KIF16B: variants seen among roughly 807,000 people sequenced by gnomAD.
The protein encoded by KIF16B is kinesin family member 16B.
In KIF16B, 98 loss-of-function variants were observed where a neutral mutation model predicts 156.3. The ratio of observed to expected loss-of-function variants is 0.63; its 90% CI spans 0.53 to 0.74. The LOEUF (loss-of-function observed/expected upper bound fraction) is 0.74. Among genes scored for constraint, KIF16B ranks in the 30% least tolerant of loss-of-function variants. KIF16B has a pLI of 0.00. For synonymous variants in KIF16B, 564 were observed against 583.7 expected (o/e 0.97, Z 0.49); for missense variants, 1,421 against 1,606.5 (o/e 0.88, Z 1.97).
At chr20:16,447,696 C>A (rs946796577) in intron 12 of KIF16B, among the ~76,000 whole-genome samples, 102 of 152,144 alleles carry the variant, frequency 6.7e-4, no homozygotes, top group African/African-American at 2.4e-3. Flanking sequence ...AAGCCATAAG[C>A]AGCTGTTTCA....
chr20:16,384,622 T>C (rs1474734242), intron 17 of KIF16B, among the ~76,000 whole-genome samples: 1 of 151,994 alleles, frequency 6.6e-6, no homozygotes, highest in Non-Finnish European at 1.5e-5. Flanking sequence ...TCTTGGTGTT[T>C]TGTAGAAAAT....
intron 11 of KIF16B, among the ~76,000 whole-genome samples, chr20:16,495,303 A>T (rs968457933): frequency 6.6e-6 from 1 of 152,194 alleles, no homozygotes; most frequent in Non-Finnish European, 1.5e-5. Context: ...AGGCCAAAAT[A>T]AATGCACAGA....
intron 22 of KIF16B, among the ~76,000 whole-genome samples, chr20:16,357,045 G>A (rs555582175): frequency 6.6e-5 from 10 of 152,304 alleles, no homozygotes; most frequent in African/African-American, 2.4e-4. Context: ...CCTGGGCAGT[G>A]GGGGACTAGT....
intron 5 of KIF16B, 70 bp from the exon 6 acceptor site, chr20:16,511,597 C>T (rs6135772): frequency 0.12 from 113,530 of 920,756 alleles, 8,073 homozygotes; most frequent in East Asian, 0.31. Context: ...CAACACATAA[C>T]AGCAGCAACC....
intron 22 of KIF16B, among the ~76,000 whole-genome samples, chr20:16,364,369 T>C (rs2064613865): frequency 6.6e-6 from 1 of 152,226 alleles, no homozygotes; most frequent in Admixed American, 6.5e-5. Flanking sequence ...TTTATGCCTA[T>C]ATTATAACAA....
At chr20:16,295,776 A>G (rs538239891) in intron 25 of KIF16B, among the ~76,000 whole-genome samples, 2 of 152,300 alleles carry the variant, frequency 1.3e-5, no homozygotes, top group African/African-American at 4.8e-5. Context: ...AGAAGAGGAG[A>G]AAAAGCAGGT....
chr20:16,552,000 G>T (rs1404770430), intron 1 of KIF16B, among the ~76,000 whole-genome samples: 1 of 152,198 alleles, frequency 6.6e-6, no homozygotes, highest in East Asian at 1.9e-4. Context: ...GGCCAAGAGG[G>T]CTCATCTTGA....
chr20:16,300,180 G>C (rs1160889520), intron 25 of KIF16B, among the ~76,000 whole-genome samples: 1 of 152,140 alleles, frequency 6.6e-6, no homozygotes, highest in Non-Finnish European at 1.5e-5. Context: ...TCAGACTTGG[G>C]AAGGCAATGA....
At chr20:16,544,130 G>C (rs561670834) in intron 1 of KIF16B, among the ~76,000 whole-genome samples, 16 of 152,158 alleles carry the variant, frequency 1.1e-4, no homozygotes, top group African/African-American at 3.9e-4. Flanking sequence ...ATCGAGACGC[G>C]CACTTAGCCT....
intron 19 of KIF16B, among the ~76,000 whole-genome samples, chr20:16,378,386 T>C (rs1008397895): frequency 3.5e-5 from 5 of 143,348 alleles, no homozygotes; most frequent in African/African-American, 1.0e-4. Flanking sequence ...ATAGATGCAA[T>C]GGAAGGGAGA....
intron 15 of KIF16B, among the ~76,000 whole-genome samples, chr20:16,425,853 G>A (rs2066337692): frequency 6.6e-6 from 1 of 152,174 alleles, no homozygotes; most frequent in African/African-American, 2.4e-5. Flanking sequence ...AATTTATGGA[G>A]AAAAGAGGTT....
chr20:16,299,984 A>C (rs955214884), intron 25 of KIF16B, among the ~76,000 whole-genome samples: 24 of 152,192 alleles, frequency 1.6e-4, no homozygotes, highest in African/African-American at 5.8e-4. Context: ...GGTGTGAAAA[A>C]GTCTTTGCTG....
intron 9 of KIF16B, among the ~76,000 whole-genome samples, chr20:16,505,140 G>GCCTC: frequency 6.6e-6 from 1 of 152,270 alleles, no homozygotes; most frequent in South Asian, 2.1e-4. Context: ...CATGAAGAGA[G>GCCTC]GGGAAGGGAA....
At chr20:16,290,170 A>G (rs2063292849) in intron 25 of KIF16B, among the ~76,000 whole-genome samples, 1 of 152,222 alleles carries the variant, frequency 6.6e-6, no homozygotes. Context: ...CTTTCAAATG[A>G]GAATCTTGCT....
At chr20:16,528,899 C>G (rs2069646987) in intron 1 of KIF16B, among the ~76,000 whole-genome samples, 1 of 152,196 alleles carries the variant, frequency 6.6e-6, no homozygotes, top group Non-Finnish European at 1.5e-5. Context: ...TACCTTCTTT[C>G]TACATCTGTT....
intron 1 of KIF16B, among the ~76,000 whole-genome samples, chr20:16,562,049 T>C (rs1222152650): frequency 6.6e-6 from 1 of 152,214 alleles, no homozygotes; most frequent in African/African-American, 2.4e-5. Context: ...CATTGTGCTG[T>C]GGTTACATAA....
Position 16,507,351 on chromosome 20 carries a change from C to T in KIF16B, c.699+607G>A, listed in dbSNP as rs575955490. On this transcript the variant is annotated intron_variant, in intron 7 of 25. Transcript: ENST00000354981. ...CTGTTAACCCAGATAAGGACATCCC[C>T]AAGCTCCTAGCATATACTTAGACCC... Among the ~76,000 whole-genome samples, 4 of 152,232 alleles carry T rather than the reference C, an allele frequency of 2.6e-5. No individual in the cohort carries two copies. The East Asian group carries it at 7.7e-4, about 29-fold the overall frequency.
chr20:16,499,239 C>A (rs1600551477), intron 10 of KIF16B, among the ~76,000 whole-genome samples: 1 of 152,178 alleles, frequency 6.6e-6, no homozygotes, highest in South Asian at 2.1e-4. Context: ...CCACAAGGGA[C>A]ACACCCTGTT....
chr20:16,465,182 T>C (rs2067456326), intron 12 of KIF16B, among the ~76,000 whole-genome samples: 1 of 152,202 alleles, frequency 6.6e-6, no homozygotes, highest in Non-Finnish European at 1.5e-5. Context: ...GGCTTAACAT[T>C]GGGACAGAAA....
Sources: allele counts gnomAD v4.1 joint callset (sites outside exome capture counted in the v4.1 genomes callset), GRCh38; gene constraint gnomAD v4.1.1; transcripts MANE v1.5; gene names NCBI Gene and HGNC (gene_info 2026-07-23, HGNC 2026-07-21).